Variants in RSPH9 observed in about 807,000 individuals in gnomAD.
The protein encoded by RSPH9 is radial spoke head component 9.
Under a neutral mutation model 27.0 loss-of-function variants are expected in RSPH9, and 27 were observed. The observed-to-expected ratio is 1.00, with a 90% confidence interval of 0.74 to 1.38. RSPH9 has a LOEUF of 1.38. RSPH9 is among the 40% of genes most tolerant of loss of function. The pLI, the probability that RSPH9 is intolerant of heterozygous loss-of-function variation, is 0.00. For synonymous variants in RSPH9, 145 were observed against 147.7 expected (o/e 0.98, Z 0.13); for missense variants, 347 against 357.4 (o/e 0.97, Z 0.24).
At chr6:43,652,543 A>G (rs1771587738) in intron 2 of RSPH9, among the ~76,000 whole-genome samples, 2 of 151,110 alleles carry the variant, frequency 1.3e-5, no homozygotes, top group African/African-American at 2.4e-5. Context: ...CTCCTGCCTC[A>G]GTCTCCCAAG....
At position 43,671,156 on chromosome 6, in the gene RSPH9, A is replaced by G. The variant is rs1773676208; in HGVS notation, c.*207A>G. 6.4e-6 allele frequency: 4 copies of G among 628,762 alleles called. No homozygotes were observed. The South Asian group carries it at 8.1e-5, about 13-fold the overall frequency. 38.9% of individuals were successfully genotyped at this position (628,762 alleles called of 1,614,324 possible). On this transcript the variant is annotated 3_prime_UTR_variant, in exon 5 of 5. Coordinates refer to ENST00000372163, the MANE Select transcript of RSPH9 (RefSeq NM_152732.5). Reference sequence around the variant, plus strand: ...GTGCTAATGAAAGAGATTCTAGACAACGATGGGTGGAAATGGCTGTGGGAG... The same window carrying G: ...GTGCTAATGAAAGAGATTCTAGACAGCGATGGGTGGAAATGGCTGTGGGAG...
intron 4 of RSPH9, among the ~76,000 whole-genome samples, chr6:43,669,563 G>A (rs1272242951): frequency 6.6e-6 from 1 of 152,258 alleles, no homozygotes; most frequent in Non-Finnish European, 1.5e-5. Context: ...AGGCTGAGCT[G>A]GCAGCTGATG....
At chr6:43,658,119 G>A (rs1028623285) in intron 4 of RSPH9, among the ~76,000 whole-genome samples, 3 of 151,874 alleles carry the variant, frequency 2.0e-5, no homozygotes, top group Admixed American at 6.6e-5. Context: ...GCAAAACCCC[G>A]TCTCTACTAA....
chr6:43,648,892 G>GT (rs1438063207), intron 1 of RSPH9, among the ~76,000 whole-genome samples: 3 of 152,190 alleles, frequency 2.0e-5, no homozygotes, highest in Non-Finnish European at 4.4e-5. Context: ...GGAGGAGCGG[G>GT]AAGGGAGATG....
Position 43,645,081 on chromosome 6 carries a change from A to G in RSPH9, c.-18A>G, listed in dbSNP as rs59110261. 12,497 of 1,606,496 alleles carry G rather than the reference A, an allele frequency of 7.8e-3. 830 individuals carry two copies. The African/African-American group carries it at 0.14, about 18-fold the overall frequency. On this transcript the variant is annotated 5_prime_UTR_variant, in exon 1 of 5. Transcript: ENST00000372163. ...TCTCCTAGCAACTCGACGGGCGTTG[A>G]GCGGAGCCGCTGACCTGATGGACGC...
In RSPH9 at chr6:43,672,268, G is replaced by T. The variant is rs192606049; in HGVS notation, c.*1319G>T. On this transcript the variant is annotated 3_prime_UTR_variant, in exon 5 of 5. Transcript: ENST00000372163. ...CCTCAGCCATGGGGCGAGAAGAGCT[G>T]ATGTAAGGCTCTGGAGGAACCCATT... The T allele has an allele frequency of 6.8e-6, 3 of 443,506 alleles. No individual in the cohort carries two copies. Among genetic ancestry groups the T allele is most frequent in the Non-Finnish European group, 1.4e-5 (3 of 213,726 alleles). 27.5% of individuals were successfully genotyped at this position (443,506 alleles called of 1,614,324 possible).
At chr6:43,646,380 C>T (rs1444424979) in intron 1 of RSPH9, among the ~76,000 whole-genome samples, 4 of 150,568 alleles carry the variant, frequency 2.7e-5, no homozygotes, top group African/African-American at 9.8e-5. Context: ...GTGATCCGTC[C>T]GCCTCAGCCT....
chr6:43,670,438 C>CA (rs993879306), intron 4 of RSPH9, among the ~76,000 whole-genome samples: 10 of 152,040 alleles, frequency 6.6e-5, no homozygotes, highest in Admixed American at 3.9e-4. Flanking sequence ...CCCATCTCTA[C>CA]AAAAAATCAG....
intron 4 of RSPH9, among the ~76,000 whole-genome samples, chr6:43,658,983 G>T (rs1206528058): frequency 6.6e-6 from 1 of 152,140 alleles, no homozygotes; most frequent in East Asian, 1.9e-4. Flanking sequence ...CACCAAACCT[G>T]GCTTACGTAA....
rs575821381 is a variant in RSPH9, at chr6:43,666,996, A to G, written c.671-3793A>G. 9.9e-5 allele frequency among the ~76,000 whole-genome samples: 15 copies of G among 152,186 alleles called. No individual in the cohort carries two copies. The East Asian group carries it at 2.7e-3, about 27-fold the overall frequency. On this transcript the variant is annotated intron_variant, in intron 4 of 4. Transcript: ENST00000372163. ...TGACCTCAGGTGATCTGCCCACCTCAGCCTCCCAAAGTGCTGGGATTACAG... is the reference window on the plus strand; with the variant it reads ...TGACCTCAGGTGATCTGCCCACCTCGGCCTCCCAAAGTGCTGGGATTACAG...
intron 3 of RSPH9, 100 bp downstream of exon 3, chr6:43,655,791 T>C (rs1483307207): frequency 7.2e-7 from 1 of 1,397,270 alleles, no homozygotes; most frequent in Non-Finnish European, 1.0e-6. Flanking sequence ...ACACACTTTA[T>C]CAGAGAAGGA....
chr6:43,647,098 C>T (rs1238236404), intron 1 of RSPH9, among the ~76,000 whole-genome samples: 1 of 144,132 alleles, frequency 6.9e-6, no homozygotes, highest in Non-Finnish European at 1.6e-5. Context: ...CTACTGCGCT[C>T]CAGCCTGGTG....
chr6:43,668,025 C>T (rs905208657), intron 4 of RSPH9, among the ~76,000 whole-genome samples: 1 of 152,132 alleles, frequency 6.6e-6, no homozygotes, highest in Non-Finnish European at 1.5e-5. Context: ...AGGAACCCCT[C>T]CTGATTTACC....
rs904190220 is a variant in RSPH9 at position 43,671,624 on chromosome 6, C to T, written c.*675C>T. 3.0e-6 allele frequency: 3 copies of T among 990,206 alleles called. No homozygotes were observed. The highest frequency in any genetic ancestry group is 2.4e-5 in the East Asian group (1 of 40,888). The allele number at this position is 990,206 out of a possible 1,614,324, so 61.3% of individuals were successfully genotyped here. On this transcript the variant is annotated 3_prime_UTR_variant, in exon 5 of 5. Coordinates refer to ENST00000372163, the MANE Select transcript of RSPH9 (RefSeq NM_152732.5). ...AGGGTACTGAAGTTAGTCCCACTGT[C>T]CCCTGTCCATGCATGTTGGAGGGAC...
intron 1 of RSPH9, among the ~76,000 whole-genome samples, chr6:43,647,215 TG>T (rs1188019749): frequency 1.3e-5 from 2 of 152,128 alleles, no homozygotes; most frequent in Non-Finnish European, 2.9e-5. Context: ...TAGACAAACT[TG>T]TTGGCTGGGG....
intron 4 of RSPH9, among the ~76,000 whole-genome samples, chr6:43,667,593 A>C (rs1773276322): frequency 6.6e-6 from 1 of 152,188 alleles, no homozygotes; most frequent in Non-Finnish European, 1.5e-5. Flanking sequence ...GTTCCTTGGA[A>C]GCCTGGCTGA....
intron 1 of RSPH9, 66 bp from the exon 2 acceptor site, chr6:43,650,308 GA>G: frequency 6.3e-7 from 1 of 1,580,512 alleles, no homozygotes; most frequent in Admixed American, 1.7e-5. Flanking sequence ...AGACAGAAGG[GA>G]AGATAATAGG....
chr6:43,672,431 G>A lies in RSPH9; in HGVS notation c.*1482G>A, dbSNP rs201213307. The stretch of plus-strand genomic sequence containing the variant: ...GTAAGGGCCCGTGGGCGCAGCCCTA[G>A]CCTAGGAAGGTTCCTGTAAATAGGA... On this transcript the variant is annotated 3_prime_UTR_variant, in exon 5 of 5. Coordinates refer to ENST00000372163, the MANE Select transcript of RSPH9 (RefSeq NM_152732.5). 6.4e-4 allele frequency: 300 copies of A among 471,196 alleles called. 1 individual carries two copies. The highest frequency in any genetic ancestry group is 1.1e-3 in the Non-Finnish European group (251 of 227,098). 29.2% of individuals were successfully genotyped at this position (471,196 alleles called of 1,614,324 possible).
intron 1 of RSPH9, among the ~76,000 whole-genome samples, chr6:43,646,700 C>T (rs1770906491): frequency 6.7e-6 from 1 of 148,606 alleles, no homozygotes; most frequent in Admixed American, 6.7e-5. Flanking sequence ...TGGTGGCTCA[C>T]GCCTTTAATC....
Sources: gnomAD v4.1 joint callset for allele counts (sites outside exome capture counted in the v4.1 genomes callset) on GRCh38, gnomAD v4.1.1 for gene constraint, MANE v1.5 for transcripts, NCBI Gene and HGNC (gene_info 2026-07-23, HGNC 2026-07-21) for gene names.